RHPN1: variants seen among roughly 807,000 people sequenced by gnomAD.
The protein encoded by RHPN1 is rhophilin-1.
RHPN1 carries 77 observed loss-of-function variants against 74.7 expected under a neutral mutation model. That is an observed-to-expected ratio of 1.03 (90% CI 0.86 to 1.25). The LOEUF (loss-of-function observed/expected upper bound fraction) is 1.25. Among genes scored for constraint, RHPN1 ranks in the 50% most tolerant of loss-of-function variants. The pLI, the probability that RHPN1 is intolerant of heterozygous loss-of-function variation, is 0.00. For synonymous variants in RHPN1, 444 were observed against 414.5 expected (o/e 1.07, Z -0.87); for missense variants, 987 against 932.2 (o/e 1.06, Z -0.77).
Position 143,380,672 on chromosome 8 carries a change from G to A in RHPN1, c.1300G>A (p.Asp434Asn). 1.3e-6 allele frequency: 2 copies of A among 1,577,182 alleles called. No individual in the cohort carries two copies. Among genetic ancestry groups the A allele is most frequent in the South Asian group, 1.2e-5 (1 of 86,080 alleles). The part of the protein sequence containing the change: ...HALCRVLREV[D>N]LLRAVISQTL... Reference sequence around the variant, plus strand: ...CCTGTGCCGCGTCCTGCGCGAGGTGGACCTGCTTCGGGCTGTGATCTCCCA... The same window carrying A: ...CCTGTGCCGCGTCCTGCGCGAGGTGAACCTGCTTCGGGCTGTGATCTCCCA... Residue 434 changes from aspartate to asparagine, a missense_variant, in exon 11 of 15, where the codon GAC becomes AAC. Asp to Asn is a conservative substitution (Grantham distance 23, BLOSUM62 1). Transcript: ENST00000289013.
At chr8:143,378,854 G>A (rs1326988209) in intron 6 of RHPN1, 34 bp downstream of exon 6, 1 of 1,568,876 alleles carries the variant, frequency 6.4e-7, no homozygotes. Context: ...ACCCTGGGGA[G>A]GGGAGGCCCA....
chr8:143,381,199 C>A, intron 11 of RHPN1, 69 bp from the exon 12 acceptor site: 3 of 1,345,264 alleles, frequency 2.2e-6, no homozygotes, highest in Non-Finnish European at 3.1e-6. Flanking sequence ...TCATGCCCTG[C>A]GCCCTGGAAA....
Position 143,379,824 on chromosome 8 carries a change from G to T in RHPN1, c.946-5G>T, listed in dbSNP as rs780416608. 2 of 1,605,622 alleles carry T rather than the reference G, an allele frequency of 1.2e-6. No homozygotes were observed. The highest frequency in any genetic ancestry group is 1.7e-6 in the Non-Finnish European group (2 of 1,176,302). On this transcript the variant is annotated splice_region_variant and splice_polypyrimidine_tract_variant and intron_variant, in intron 8 of 14. Coordinates refer to ENST00000289013, the MANE Select transcript of RHPN1 (RefSeq NM_052924.3). The stretch of plus-strand genomic sequence containing the variant: ...CCCTCGCGTGCCTGCCACATCCACC[G>T]GCAGGTGGCAGCCGAGTACAGGCTA...
intron 14 of RHPN1, 128 bp downstream of exon 14, chr8:143,382,096 G>C (rs144117165): frequency 1.6e-5 from 15 of 966,756 alleles, no homozygotes; most frequent in Admixed American, 2.9e-5. Flanking sequence ...TCCCTGGGCC[G>C]CCTCCTGGGC....
intron 10 of RHPN1, 117 bp from the exon 11 acceptor site, chr8:143,380,472 C>T (rs1356826005): frequency 2.0e-6 from 2 of 985,074 alleles, no homozygotes; most frequent in South Asian, 1.7e-5. Context: ...GTGGCGCGCA[C>T]CCCCAACGAA....
chr8:143,376,353 C>T (rs1329237584), intron 2 of RHPN1, among the ~76,000 whole-genome samples, 172 bp from the exon 3 acceptor site: 5 of 152,224 alleles, frequency 3.3e-5, no homozygotes, highest in Admixed American at 2.6e-4. Flanking sequence ...TGTGAGCCCC[C>T]GGATCCCACT....
In RHPN1 at chr8:143,382,854, A is replaced by G. The variant is rs1818836932; in HGVS notation, c.*203A>G. 2.5e-5 allele frequency: 15 copies of G among 588,550 alleles called. 1 individual carries two copies. The highest frequency in any genetic ancestry group is 2.5e-4 in the South Asian group (12 of 47,960). 36.5% of individuals were successfully genotyped at this position (588,550 alleles called of 1,614,324 possible). ...CTGTGGCCTCTTCACCCACACACAG[A>G]AGGATGCCAGTCCCTCTGTCGGTCT... On this transcript the variant is annotated 3_prime_UTR_variant, in exon 15 of 15. Transcript: ENST00000289013.
In RHPN1 at chr8:143,378,088, C is replaced by A. The variant is rs183429417; in HGVS notation, c.382-181C>A. ...AGGCCCCTCCATACACATTGGCCCC[C>A]AGCCCTTCTCTGGGGCTTCCACTGA... On this transcript the variant is annotated intron_variant, in intron 4 of 14. Coordinates refer to ENST00000289013, the MANE Select transcript of RHPN1 (RefSeq NM_052924.3). Among the ~76,000 whole-genome samples the A allele has an allele frequency of 6.3e-3, 965 of 152,372 alleles. 10 individuals are homozygous for A. Among genetic ancestry groups the A allele is most frequent in the Middle Eastern group, 0.014 (4 of 294 alleles).
In RHPN1 at chr8:143,369,062, C is replaced by T; in HGVS notation, c.60+15C>T. 3 of 1,466,886 alleles carry T rather than the reference C, an allele frequency of 2.0e-6. No homozygotes were observed. The highest frequency in any genetic ancestry group is 2.5e-5 in the Admixed American group (1 of 39,418). 90.9% of individuals were successfully genotyped at this position (1,466,886 alleles called of 1,614,324 possible). A position where few individuals can be genotyped will look rare whatever the true frequency, so the allele number is the denominator to read the frequency against. ...CGCGGCTGCAGGTGCGCAGAACTGG[C>T]GCGGCGGCGGGAGGAGGGGCCCGGA... On this transcript the variant is annotated intron_variant, in intron 1 of 14. Transcript: ENST00000289013.
intron 11 of RHPN1, 55 bp from the exon 12 acceptor site, chr8:143,381,213 C>G: frequency 6.7e-7 from 1 of 1,488,340 alleles, no homozygotes; most frequent in Non-Finnish European, 9.2e-7. Context: ...CTGGAAAATC[C>G]CCGAGGCAGG....
chr8:143,382,541 C>T lies in RHPN1; in HGVS notation c.1903C>T (p.Leu635Phe), dbSNP rs1272628676. 6.2e-7 allele frequency: 1 copy of T among 1,611,548 alleles called. No individual in the cohort carries two copies. The highest frequency in any genetic ancestry group is 1.1e-5 in the South Asian group (1 of 90,918). ...CACGTGGGCCAGTCCCCGGCCCCTC[C>T]TCAACTGGAGCCGAAAGGCCCAGCA... ...ASTWASPRPL[L>F]NWSRKAQQGK... Residue 635 changes from leucine (L) to phenylalanine (F), a missense_variant, in exon 15 of 15, where the codon CTC becomes TTC. Leu to Phe is a conservative substitution (Grantham distance 22). Transcript: ENST00000289013.
chr8:143,377,006 GTGTT>G (rs1818302585), intron 3 of RHPN1, among the ~76,000 whole-genome samples: 1 of 150,766 alleles, frequency 6.6e-6, no homozygotes, highest in Admixed American at 6.6e-5. Context: ...ATGTGGGTGT[GTGTT>G]TGCCTCTATG....
intron 2 of RHPN1, among the ~76,000 whole-genome samples, chr8:143,376,073 C>T (rs895728786): frequency 1.3e-5 from 2 of 152,244 alleles, no homozygotes; most frequent in Admixed American, 6.5e-5. Context: ...CACACATGTG[C>T]GTGTGAGTGC....
upstream of RHPN1, among the ~76,000 whole-genome samples, chr8:143,364,697 T>C (rs895882917): frequency 6.6e-6 from 1 of 152,162 alleles, no homozygotes; most frequent in Admixed American, 6.5e-5. The surrounding 1 kb of genome is among the most constrained non-coding windows in gnomAD (Gnocchi z 4.5). Flanking sequence ...GGGGAGGGAT[T>C]GATGGCCCCG....
At chr8:143,375,968 A>G (rs1818187932) in intron 2 of RHPN1, among the ~76,000 whole-genome samples, 1 of 152,194 alleles carries the variant, frequency 6.6e-6, no homozygotes, top group African/African-American at 2.4e-5. Flanking sequence ...GTTGAGGCTG[A>G]GCTGTGGCAG....
At chr8:143,375,271 C>T (rs1281548923) in intron 1 of RHPN1, among the ~76,000 whole-genome samples, 1 of 152,198 alleles carries the variant, frequency 6.6e-6, no homozygotes, top group East Asian at 1.9e-4. Flanking sequence ...CTTCTGGTGT[C>T]CTTGGCAGGT....
chr8:143,371,887 T>C (rs1817845311), intron 1 of RHPN1, among the ~76,000 whole-genome samples: 1 of 152,192 alleles, frequency 6.6e-6, no homozygotes, highest in African/African-American at 2.4e-5. Context: ...CTATGCCCCT[T>C]CCACTGGGCT....
intron 1 of RHPN1, among the ~76,000 whole-genome samples, chr8:143,373,587 G>T (rs1818005505): frequency 1.9e-5 from 1 of 52,612 alleles, no homozygotes; most frequent in Non-Finnish European, 3.3e-5. Flanking sequence ...CCAGGGGACG[G>T]TGTGGGGGTT....
In RHPN1 at chr8:143,380,651, T is replaced by TGCCGCGTCCTGC; in HGVS notation, c.1282_1293dup (p.Arg428_Arg431dup). On this transcript the variant is annotated inframe_insertion, in exon 11 of 15. Transcript: ENST00000289013. ...GGAGGCGCTGCGGCTGCACGCCCTG[T>TGCCGCGTCCTGC]GCCGCGTCCTGCGCGAGGTGGACCT... The TGCCGCGTCCTGC allele has an allele frequency of 6.4e-7, 1 of 1,566,010 alleles. No homozygotes were observed.
Sources: gnomAD v4.1 joint callset for allele counts (sites outside exome capture counted in the v4.1 genomes callset) on GRCh38, gnomAD v4.1.1 for gene constraint, Gnocchi (gnomAD v3.1) non-coding constraint, MANE v1.5 for transcripts, NCBI Gene and HGNC (gene_info 2026-07-23, HGNC 2026-07-21) for gene names.